The following TTLL9 variants were observed in gnomAD, a reference collection of about 807,000 sequenced individuals.
The protein encoded by TTLL9 is tubulin tyrosine ligase like 9, also known as probable tubulin polyglutamylase TTLL9.
In TTLL9, 47 loss-of-function variants were observed where a neutral mutation model predicts 65.6. The observed-to-expected ratio is 0.72, with a 90% CI of 0.57 to 0.91. TTLL9 has a LOEUF of 0.91. Among genes scored for constraint, TTLL9 ranks in the 40% least tolerant of loss-of-function variants. The pLI is 0.00. For synonymous variants in TTLL9, 179 were observed against 204.8 expected (o/e 0.87, Z 1.07); for missense variants, 537 against 568.8 (o/e 0.94, Z 0.57).
At position 31,943,309 on chromosome 20, in the gene TTLL9, A is replaced by G; in HGVS notation, c.*288A>G. On this transcript the variant is annotated 3_prime_UTR_variant, in exon 15 of 15. Transcript: ENST00000535842. ...AGGCCCAAAGAGAACAAATACAGCA[A>G]GTTCTGCTACCCCCAGGAGATCATA... The G allele has an allele frequency of 2.1e-6, 1 of 485,932 alleles. No individual in the cohort carries two copies. The allele number at this position is 485,932 out of a possible 1,614,324, so 30.1% of individuals were successfully genotyped here.
At chr20:31,873,513 G>A (rs992040456) in intron 2 of TTLL9, among the ~76,000 whole-genome samples, 3 of 151,816 alleles carry the variant, frequency 2.0e-5, no homozygotes, top group Non-Finnish European at 4.4e-5. Context: ...CAAAAAATTA[G>A]CCGGGTGTGG....
chr20:31,939,970 T>C (rs1237052733), intron 14 of TTLL9: 1 of 152,246 alleles, frequency 6.6e-6, no homozygotes, highest in Non-Finnish European at 1.5e-5. Context: ...TTTGTACATA[T>C]GCCAAAATTT....
rs912507409 is a variant in TTLL9, at chr20:31,896,382, C to G, written c.114-2091C>G. On this transcript the variant is annotated intron_variant, in intron 3 of 14. Coordinates refer to ENST00000535842, the MANE Select transcript of TTLL9 (RefSeq NM_001008409.5). ...TGTTAGCTCGAGTTTTTTTAAGATG[C>G]TTTTATCAAGTTGATGAAGTTCCTC... Among the ~76,000 whole-genome samples, 3 of 152,146 alleles carry G rather than the reference C, an allele frequency of 2.0e-5. No individual in the cohort carries two copies. In the South Asian group the frequency reaches 6.2e-4, roughly 32 times the overall value.
chr20:31,898,036 T>A (rs998204415), intron 3 of TTLL9, among the ~76,000 whole-genome samples: 9 of 152,180 alleles, frequency 5.9e-5, no homozygotes, highest in African/African-American at 2.2e-4. Flanking sequence ...GGTCCTGAAA[T>A]CTCCAGCCAG....
chr20:31,871,114 G>A lies in TTLL9; in HGVS notation c.-5-8G>A. On this transcript the variant is annotated splice_polypyrimidine_tract_variant and splice_region_variant and intron_variant, in intron 1 of 14. Coordinates refer to ENST00000535842, the MANE Select transcript of TTLL9 (RefSeq NM_001008409.5). ...TCACTCCTTCCTTCCATCCATTTCG[G>A]CCCCTAGGAGGGATGGTGCCATCCA... is the stretch of plus-strand genomic sequence containing the variant. 4 of 1,613,318 alleles carry A rather than the reference G, an allele frequency of 2.5e-6. No homozygotes were observed. In the South Asian group the frequency reaches 3.3e-5, roughly 13 times the overall value.
Position 31,923,057 on chromosome 20 carries a change from A to G in TTLL9, c.664+4A>G, listed in dbSNP as rs780423093. 6.2e-7 allele frequency: 1 copy of G among 1,608,490 alleles called. No individual in the cohort carries two copies. Among genetic ancestry groups the G allele is most frequent in the East Asian group, 2.2e-5 (1 of 44,860 alleles). On this transcript the variant is annotated splice_donor_region_variant and intron_variant, in intron 8 of 14. Transcript: ENST00000535842. ...GAAAATCCTTACCTGATAGGAGGTG[A>G]GATGGCTGTGTCTGCTCCTGCTCTT...
intron 6 of TTLL9, among the ~76,000 whole-genome samples, chr20:31,912,578 A>AGTGTGTGTGTGTGCGTGTATGT (rs1568795974): frequency 1.4e-4 from 20 of 145,484 alleles, no homozygotes; most frequent in Non-Finnish European, 2.7e-4. Flanking sequence ...GGAAAGCATT[A>AGTGTGTGTGTGTGCGTGTATGT]GTGTGTGTGT....
At chr20:31,888,215 G>C (rs1600531237) in intron 3 of TTLL9, among the ~76,000 whole-genome samples, 1 of 152,058 alleles carries the variant, frequency 6.6e-6, no homozygotes, top group African/African-American at 2.4e-5. Flanking sequence ...AGTCCCTCCT[G>C]GCTATACTAC....
At chr20:31,930,160 C>A (rs1181393191) in intron 10 of TTLL9, among the ~76,000 whole-genome samples, 1 of 151,980 alleles carries the variant, frequency 6.6e-6, no homozygotes, top group African/African-American at 2.4e-5. Context: ...AATATTTTTA[C>A]CCTCCTATTG....
intron 14 of TTLL9, chr20:31,941,266 A>T: frequency 6.6e-6 from 1 of 151,166 alleles, no homozygotes; most frequent in South Asian, 2.1e-4. Context: ...CCACCTTTTG[A>T]TGAGAGGAGC....
At chr20:31,907,142 A>T (rs930498863) in intron 4 of TTLL9, among the ~76,000 whole-genome samples, 2 of 152,204 alleles carry the variant, frequency 1.3e-5, no homozygotes, top group African/African-American at 4.8e-5. Context: ...TGGACTCTGG[A>T]GCCTGAGGCC....
At chr20:31,925,978 C>T in intron 9 of TTLL9, 71 bp from the exon 10 acceptor site, 1 of 1,597,500 alleles carries the variant, frequency 6.3e-7, no homozygotes, top group East Asian at 2.3e-5. Context: ...GGGATCCTGG[C>T]TAACCACCCC....
At chr20:31,886,024 A>G (rs1365089696) in intron 2 of TTLL9, among the ~76,000 whole-genome samples, 2 of 152,244 alleles carry the variant, frequency 1.3e-5, no homozygotes, top group East Asian at 3.8e-4. Context: ...CCTCCGTCCT[A>G]CAACCCTAGG....
rs2064286456 is a variant in TTLL9, at chr20:31,944,560, A to C, written c.*1539A>C. The stretch of plus-strand genomic sequence containing the variant: ...GCCTTCCCCTTGCTTTCCTCACTTG[A>C]TGTATCTTGGAGCTTGTTCCTTATT... On this transcript the variant is annotated 3_prime_UTR_variant, in exon 15 of 15. Coordinates refer to ENST00000535842, the MANE Select transcript of TTLL9 (RefSeq NM_001008409.5). 1 of 152,198 alleles carries C rather than the reference A, an allele frequency of 6.6e-6. No individual in the cohort carries two copies. The highest frequency in any genetic ancestry group is 2.1e-4 in the South Asian group (1 of 4,832). 9.4% of individuals were successfully genotyped at this position (152,198 alleles called of 1,614,324 possible). A position where few individuals can be genotyped will look rare whatever the true frequency, so the allele number is the denominator to read the frequency against.
At chr20:31,899,652 AGAG>A (rs2063444016) in intron 4 of TTLL9, among the ~76,000 whole-genome samples, 1 of 151,668 alleles carries the variant, frequency 6.6e-6, no homozygotes, top group South Asian at 2.1e-4. Context: ...AAAGAGAGAG[AGAG>A]AAAGAAAAGG....
intron 4 of TTLL9, among the ~76,000 whole-genome samples, chr20:31,908,312 C>A (rs1208842745): frequency 6.6e-6 from 1 of 152,130 alleles, no homozygotes; most frequent in African/African-American, 2.4e-5. Context: ...GGTGGCTGCT[C>A]CTCAGCCCAG....
rs1007613130 is a variant in TTLL9, at chr20:31,944,065, G to A, written c.*1044G>A. 8.9e-6 allele frequency: 3 copies of A among 335,346 alleles called. No individual in the cohort carries two copies. Among genetic ancestry groups the A allele is most frequent in the Non-Finnish European group, 1.8e-5 (3 of 168,314 alleles). 20.8% of individuals were successfully genotyped at this position (335,346 alleles called of 1,614,324 possible). ...GAAGACTTTTGGAAGGAAAATACTG[G>A]CAAATCCAAGAAGTGAACCAGCCGA... is the stretch of plus-strand genomic sequence containing the variant. On this transcript the variant is annotated 3_prime_UTR_variant, in exon 15 of 15. Transcript: ENST00000535842.
At chr20:31,880,456 A>C (rs983562524) in intron 2 of TTLL9, among the ~76,000 whole-genome samples, 2 of 151,942 alleles carry the variant, frequency 1.3e-5, no homozygotes, top group African/African-American at 4.8e-5. Flanking sequence ...AAGAGGGAAA[A>C]TGAATTACAG....
intron 3 of TTLL9, among the ~76,000 whole-genome samples, chr20:31,887,855 C>CCTCTTCTCTTCTCTT (rs11273358): frequency 0.2 from 23,035 of 114,890 alleles, 3,350 homozygotes; most frequent in Admixed American, 0.27. Context: ...TATCTCCTCT[C>CCTCTTCTCTTCTCTT]CTCTTCTCTT....
Sources: gnomAD v4.1 joint callset for allele counts (sites outside exome capture counted in the v4.1 genomes callset) on GRCh38, gnomAD v4.1.1 for gene constraint, MANE v1.5 for transcripts, NCBI Gene and HGNC (gene_info 2026-07-23, HGNC 2026-07-21) for gene names.